Variants in STARD13 observed in about 807,000 individuals in gnomAD.
STARD13 encodes stAR-related lipid transfer protein 13.
Under a neutral mutation model 106.4 loss-of-function variants are expected in STARD13, and 62 were observed. That is an observed-to-expected ratio of 0.58 (90% CI 0.48 to 0.72). The LOEUF is 0.72. STARD13 is among the 30% of genes least tolerant of loss of function. The pLI, the probability that STARD13 is intolerant of heterozygous loss-of-function variation, is 0.00. For synonymous variants in STARD13, 565 were observed against 553.0 expected, an observed-to-expected ratio of 1.02 and a Z score of -0.31; for missense variants, 1,387 against 1,424.0, an observed-to-expected ratio of 0.97 and a Z score of 0.42.
At chr13:33,145,899 T>TCA (rs1209905105) in intron 3 of STARD13, among the ~76,000 whole-genome samples, 1 of 152,196 alleles carries the variant, frequency 6.6e-6, no homozygotes, top group Non-Finnish European at 1.5e-5. Context: ...ATGTTCTGTG[T>TCA]CACGGCTGGG....
chr13:33,494,816 A>G, the STARD13 span, among the ~76,000 whole-genome samples: 1 of 152,122 alleles, frequency 6.6e-6, no homozygotes. Flanking sequence ...GATACACTCT[A>G]TAGAGGTCAC....
the STARD13 span, among the ~76,000 whole-genome samples, chr13:33,418,678 C>T: frequency 2.6e-5 from 4 of 152,218 alleles, no homozygotes; most frequent in African/African-American, 4.8e-5. Flanking sequence ...CTGGGAGACA[C>T]CTCCCAGTAG....
At chr13:33,499,321 G>A in the STARD13 span, among the ~76,000 whole-genome samples, 6 of 152,146 alleles carry the variant, frequency 3.9e-5, no homozygotes, top group Non-Finnish European at 7.4e-5. Context: ...CCAAAGACTG[G>A]TTGGTTAAAT....
chr13:33,169,175 C>T (rs1436562865), intron 1 of STARD13, among the ~76,000 whole-genome samples: 3 of 152,208 alleles, frequency 2.0e-5, no homozygotes, highest in Non-Finnish European at 2.9e-5. Flanking sequence ...CTATTGAAAG[C>T]ATTTCTATCA....
At chr13:33,186,638 G>A (rs528372978) in intron 1 of STARD13, among the ~76,000 whole-genome samples, 9 of 152,206 alleles carry the variant, frequency 5.9e-5, no homozygotes, top group African/African-American at 2.2e-4. Context: ...TTTCTGTGGA[G>A]TGTGGCTTTT....
At chr13:33,517,325 C>T in the STARD13 span, among the ~76,000 whole-genome samples, 1 of 152,114 alleles carries the variant, frequency 6.6e-6, no homozygotes, top group African/African-American at 2.4e-5. Flanking sequence ...CCTTGGCCCT[C>T]ATTTGCTGGA....
Position 33,110,780 on chromosome 13 carries a change from T to C in STARD13, c.2735A>G (p.His912Arg), listed in dbSNP as rs1268590373. ...SGATFHTYLN[H>R]LIQGLQKEAK... Reference sequence around the variant, plus strand: ...TTCTTTCTGGAGGCCCTGGATGAGATGGTTCAGGTAAGTGTGGAAAGTTGC... The same window carrying C: ...TTCTTTCTGGAGGCCCTGGATGAGACGGTTCAGGTAAGTGTGGAAAGTTGC... The change falls in exon 11 of 14, where the codon CAT (histidine) becomes CGT (arginine). Residue 912 changes from histidine (H) to arginine (R), a missense_variant. Physicochemically the swap from His to Arg is conservative, Grantham distance 29. Transcript: ENST00000336934. 2.5e-6 allele frequency: 4 copies of C among 1,614,220 alleles called. No homozygotes were observed. Among genetic ancestry groups the C allele is most frequent in the South Asian group, 1.1e-5 (1 of 91,092 alleles).
chr13:33,186,290 C>T (rs989972856), intron 1 of STARD13, among the ~76,000 whole-genome samples: 1 of 152,156 alleles, frequency 6.6e-6, no homozygotes, highest in Admixed American at 6.5e-5. Flanking sequence ...TGAATCAAAC[C>T]CCTAAAGAGG....
the STARD13 span, among the ~76,000 whole-genome samples, chr13:33,541,017 G>T: frequency 3.3e-5 from 5 of 152,128 alleles, no homozygotes; most frequent in African/African-American, 1.2e-4. Context: ...GAGGATATTT[G>T]CAAAGGAGTC....
intron 1 of STARD13, among the ~76,000 whole-genome samples, chr13:33,283,573 T>C (rs1233079392): frequency 1.3e-5 from 2 of 152,152 alleles, no homozygotes; most frequent in Admixed American, 1.3e-4. Context: ...TACTAAAGAG[T>C]TGTATGATGT....
At chr13:33,476,535 G>T in the STARD13 span, among the ~76,000 whole-genome samples, 1 of 152,096 alleles carries the variant, frequency 6.6e-6, no homozygotes, top group Admixed American at 6.5e-5. Flanking sequence ...TTTCCAAAAC[G>T]GATATTTACC....
intron 1 of STARD13, among the ~76,000 whole-genome samples, chr13:33,299,180 G>T (rs535584678): frequency 1.3e-5 from 2 of 152,296 alleles, no homozygotes; most frequent in South Asian, 2.1e-4. Flanking sequence ...GCCTAGGTGT[G>T]TTGTAGGATT....
the STARD13 span, among the ~76,000 whole-genome samples, chr13:33,639,659 G>A: frequency 3.3e-5 from 5 of 152,348 alleles, no homozygotes; most frequent in African/African-American, 7.2e-5. Flanking sequence ...CTAACTGGAT[G>A]TGTAAACAGA....
At chr13:33,359,127 C>G in the STARD13 span, among the ~76,000 whole-genome samples, 1 of 97,532 alleles carries the variant, frequency 1.0e-5, no homozygotes. Flanking sequence ...CTCAGGTTGC[C>G]TTCCACACTG....
chr13:33,529,099 T>C, the STARD13 span, among the ~76,000 whole-genome samples: 3 of 152,160 alleles, frequency 2.0e-5, no homozygotes, highest in Admixed American at 2.0e-4. Context: ...CTGTGTTATA[T>C]ACTTTATGAG....
At chr13:33,393,174 C>T in the STARD13 span, among the ~76,000 whole-genome samples, 1 of 152,114 alleles carries the variant, frequency 6.6e-6, no homozygotes, top group Admixed American at 6.6e-5. Flanking sequence ...TTACACAAGC[C>T]ACTACTGCAT....
chr13:33,591,925 A>T, the STARD13 span, among the ~76,000 whole-genome samples: 2 of 152,234 alleles, frequency 1.3e-5, no homozygotes, highest in Admixed American at 6.5e-5. Context: ...TATGAATTTT[A>T]TATTAATTAT....
intron 3 of STARD13, among the ~76,000 whole-genome samples, chr13:33,144,491 A>G (rs1880260977): frequency 6.6e-6 from 1 of 152,190 alleles, no homozygotes; most frequent in African/African-American, 2.4e-5. Context: ...AACCAGTTCT[A>G]TTTCTCAACT....
intron 1 of STARD13, among the ~76,000 whole-genome samples, chr13:33,252,797 G>T (rs530341545): frequency 6.6e-6 from 1 of 152,258 alleles, no homozygotes; most frequent in East Asian, 1.9e-4. Flanking sequence ...TGGATTTGAC[G>T]CAAGTTGCAG....
Sources: allele counts gnomAD v4.1 joint callset (sites outside exome capture counted in the v4.1 genomes callset), GRCh38; gene constraint gnomAD v4.1.1; transcripts MANE v1.5; gene names NCBI Gene and HGNC (gene_info 2026-07-23, HGNC 2026-07-21).